Variants in RAB18 observed in about 807,000 individuals in gnomAD.
RAB18 encodes ras-related protein Rab-18.
A neutral mutation model predicts 28.5 loss-of-function variants in RAB18; 10 were observed. The observed-to-expected ratio is 0.35, with a 90% CI of 0.22 to 0.60. The LOEUF (loss-of-function observed/expected upper bound fraction) is 0.60, where lower values mean the gene tolerates loss of function less well. Ranked by LOEUF, RAB18 falls within the 20% of genes least tolerant of loss-of-function variation. RAB18 has a pLI of 0.78. For synonymous variants in RAB18, 93 were observed against 86.9 expected, an observed-to-expected ratio of 1.07 and a Z score of -0.39; for missense variants, 188 against 244.2, an observed-to-expected ratio of 0.77 and a Z score of 1.53.
intron 2 of RAB18, among the ~76,000 whole-genome samples, chr10:27,513,032 A>ATATT (rs1190171231): frequency 2.8e-5 from 4 of 142,574 alleles, no homozygotes; most frequent in East Asian, 4.4e-4. Flanking sequence ...ATATATATAT[A>ATATT]TTTTTTTTTT....
Position 27,541,064 on chromosome 10 carries a change from C to T in RAB18, c.*3013C>T. On this transcript the variant is annotated 3_prime_UTR_variant, in exon 7 of 7. Coordinates refer to ENST00000356940, the MANE Select transcript of RAB18 (RefSeq NM_021252.5). ...AGGTATTATAGATCAGAGATCCTCTCCATATTCAAGCATTATGCTTCTCTT... is the reference window on the plus strand; with the variant it reads ...AGGTATTATAGATCAGAGATCCTCTTCATATTCAAGCATTATGCTTCTCTT... 1 of 453,478 alleles carries T rather than the reference C, an allele frequency of 2.2e-6. No individual in the cohort carries two copies. The highest frequency in any genetic ancestry group is 4.4e-6 in the Non-Finnish European group (1 of 226,494). The allele number at this position is 453,478 out of a possible 1,614,324, so 28.1% of individuals were successfully genotyped here.
chr10:27,526,966 T>G (rs957611373), intron 3 of RAB18, 77 bp downstream of exon 3: 6 of 1,432,678 alleles, frequency 4.2e-6, no homozygotes, highest in Non-Finnish European at 5.9e-6. Flanking sequence ...TGTGTAGTGT[T>G]CTAGAGGTGG....
In RAB18 at chr10:27,509,863, T is replaced by C; in HGVS notation, c.69-12T>C. On this transcript the variant is annotated splice_polypyrimidine_tract_variant and intron_variant, in intron 1 of 6. Transcript: ENST00000356940. The stretch of plus-strand genomic sequence containing the variant: ...TCAAGTTCCCAACCTGTCTTTTTAA[T>C]ATCTCTTTCAGCCTGCTCTTGAGGT... The C allele has an allele frequency of 6.2e-7, 1 of 1,608,630 alleles. No individual in the cohort carries two copies. Among genetic ancestry groups the C allele is most frequent in the South Asian group, 1.1e-5 (1 of 90,982 alleles).
intron 2 of RAB18, among the ~76,000 whole-genome samples, chr10:27,523,847 A>G (rs1834618604): frequency 6.6e-5 from 10 of 151,830 alleles, no homozygotes; most frequent in Admixed American, 6.6e-4. Context: ...TGGGAGGCCG[A>G]GGCGGGCGGA....
intron 2 of RAB18, among the ~76,000 whole-genome samples, chr10:27,518,221 A>G (rs1333683004): frequency 2.0e-5 from 3 of 152,204 alleles, no homozygotes; most frequent in Admixed American, 6.5e-5. Context: ...TTTTGTATGA[A>G]TACTAATTTT....
intron 2 of RAB18, among the ~76,000 whole-genome samples, chr10:27,525,159 A>C (rs1834646697): frequency 6.6e-6 from 1 of 152,340 alleles, no homozygotes; most frequent in South Asian, 2.1e-4. Flanking sequence ...AAGAAAACAC[A>C]TACATTCTGG....
chr10:27,527,036 C>G, intron 3 of RAB18, 147 bp downstream of exon 3: 1 of 896,240 alleles, frequency 1.1e-6, no homozygotes, highest in Non-Finnish European at 1.9e-6. Flanking sequence ...AAAGGATAAA[C>G]AGTAATGTCT....
rs1835017209 is a variant in RAB18, at chr10:27,541,120, A to C, written c.*3069A>C. 2.2e-6 allele frequency: 1 copy of C among 453,920 alleles called. No individual in the cohort carries two copies. Among genetic ancestry groups the C allele is most frequent in the Non-Finnish European group, 4.4e-6 (1 of 226,764 alleles). 28.1% of individuals were successfully genotyped at this position (453,920 alleles called of 1,614,324 possible). A position where few individuals can be genotyped will look rare whatever the true frequency, so the allele number is the denominator to read the frequency against. On this transcript the variant is annotated 3_prime_UTR_variant, in exon 7 of 7. Coordinates refer to ENST00000356940, the MANE Select transcript of RAB18 (RefSeq NM_021252.5). Reference sequence around the variant, plus strand: ...GGGGTACATTTCACTAGTAATACTTAGGAAGTTATTTTGTCTTTCCTGTAT... The same window carrying C: ...GGGGTACATTTCACTAGTAATACTTCGGAAGTTATTTTGTCTTTCCTGTAT...
intron 6 of RAB18, among the ~76,000 whole-genome samples, chr10:27,537,307 C>T (rs1251570445): frequency 3.9e-5 from 6 of 152,140 alleles, no homozygotes; most frequent in Non-Finnish European, 8.8e-5. Flanking sequence ...GAATAAAGTA[C>T]TCATCTCAGA....
In RAB18 at chr10:27,541,507, C is replaced by A. The variant is rs779189401; in HGVS notation, c.*3456C>A. 8.8e-6 allele frequency: 4 copies of A among 453,768 alleles called. No individual in the cohort carries two copies. Among genetic ancestry groups the A allele is most frequent in the South Asian group, 6.2e-5 (4 of 64,468 alleles). The allele number at this position is 453,768 out of a possible 1,614,324, so 28.1% of individuals were successfully genotyped here. A position where few individuals can be genotyped will look rare whatever the true frequency, so the allele number is the denominator to read the frequency against. On this transcript the variant is annotated 3_prime_UTR_variant, in exon 7 of 7. Transcript: ENST00000356940. ...TTGTGGTATAAAGTTTGCTTAAGTG[C>A]CCCTTAGTTAAAGCTGTTCAATGAA... is the stretch of plus-strand genomic sequence containing the variant.
chr10:27,513,034 T>A (rs9334423), intron 2 of RAB18, among the ~76,000 whole-genome samples: 97,155 of 115,854 alleles, frequency 0.84, 40,701 homozygotes, highest in Non-Finnish European at 0.93. Context: ...ATATATATAT[T>A]TTTTTTTTTT....
rs1186279029 is a variant in RAB18 at position 27,540,303 on chromosome 10, T to TA, written c.*2253dup. The TA allele has an allele frequency of 2.2e-6, 1 of 453,948 alleles. No individual in the cohort carries two copies. Among genetic ancestry groups the TA allele is most frequent in the Non-Finnish European group, 4.4e-6 (1 of 226,776 alleles). 28.1% of individuals were successfully genotyped at this position (453,948 alleles called of 1,614,324 possible). A position where few individuals can be genotyped will look rare whatever the true frequency, so the allele number is the denominator to read the frequency against. ...AAAGGTGAGGACAACACAATGTAGG[T>TA]ATGTTAGGTAACCCCCAAAGATCAC... On this transcript the variant is annotated 3_prime_UTR_variant, in exon 7 of 7. Transcript: ENST00000356940.
At chr10:27,517,766 G>A (rs1028437327) in intron 2 of RAB18, among the ~76,000 whole-genome samples, 3 of 151,936 alleles carry the variant, frequency 2.0e-5, no homozygotes, top group East Asian at 3.9e-4. Flanking sequence ...AATGTTTATG[G>A]TCATATAATT....
intron 2 of RAB18, among the ~76,000 whole-genome samples, chr10:27,524,732 A>G (rs1463051711): frequency 2.0e-5 from 3 of 152,244 alleles, no homozygotes; most frequent in Non-Finnish European, 2.9e-5. Flanking sequence ...CAAATCTCTC[A>G]AAAAGACTCC....
Position 27,539,411 on chromosome 10 carries a change from G to C in RAB18, c.*1360G>C, listed in dbSNP as rs1441327940. The C allele has an allele frequency of 3.4e-6, 1 of 298,406 alleles. No homozygotes were observed. The highest frequency in any genetic ancestry group is 2.2e-5 in the African/African-American group (1 of 44,532). 18.5% of individuals were successfully genotyped at this position (298,406 alleles called of 1,614,324 possible). On this transcript the variant is annotated 3_prime_UTR_variant, in exon 7 of 7. Coordinates refer to ENST00000356940, the MANE Select transcript of RAB18 (RefSeq NM_021252.5). ...CAATATGTTTGTTAATTTACTTCAT[G>C]TTGGGTTCTTTCTGAAATGTACATC...
At chr10:27,527,553 T>C (rs1392768506) in intron 3 of RAB18, among the ~76,000 whole-genome samples, 1 of 148,670 alleles carries the variant, frequency 6.7e-6, no homozygotes, top group Admixed American at 6.9e-5. Context: ...GATCTATCTA[T>C]ATCTGTCTAT....
At chr10:27,535,883 G>T (rs917246153) in intron 6 of RAB18, among the ~76,000 whole-genome samples, 1 of 152,070 alleles carries the variant, frequency 6.6e-6, no homozygotes, top group African/African-American at 2.4e-5. Context: ...TCAGGAGATC[G>T]AGACCATGGC....
rs188042831 is a variant in RAB18, at chr10:27,522,112, A to G, written c.125-4716A>G. 4.0e-3 allele frequency among the ~76,000 whole-genome samples: 608 copies of G among 152,308 alleles called. 4 individuals are homozygous for G. Among genetic ancestry groups the G allele is most frequent in the African/African-American group, 0.014 (574 of 41,556 alleles). ...TGGAATTCAGTCAGGCAATAAAAAT[A>G]ATCAGTATTTTCAGTGGAGGGCTTG... is the stretch of plus-strand genomic sequence containing the variant. On this transcript the variant is annotated intron_variant, in intron 2 of 6. Coordinates refer to ENST00000356940, the MANE Select transcript of RAB18 (RefSeq NM_021252.5).
rs149386481 is a variant in RAB18 at position 27,525,216 on chromosome 10, A to G, written c.125-1612A>G. 8.2e-3 allele frequency among the ~76,000 whole-genome samples: 1,251 copies of G among 152,292 alleles called. 8 individuals are homozygous for G. The highest frequency in any genetic ancestry group is 0.017 in the South Asian group (81 of 4,816). ...GGGTAAACAAATTAGCTCATAGGAAAGATGCTTGTCTGCTCTTGAACATGT... is the reference window on the plus strand; with the variant it reads ...GGGTAAACAAATTAGCTCATAGGAAGGATGCTTGTCTGCTCTTGAACATGT... On this transcript the variant is annotated intron_variant, in intron 2 of 6. Coordinates refer to ENST00000356940, the MANE Select transcript of RAB18 (RefSeq NM_021252.5).
Sources: allele counts gnomAD v4.1 joint callset (sites outside exome capture counted in the v4.1 genomes callset), GRCh38; gene constraint gnomAD v4.1.1; transcripts MANE v1.5; gene names NCBI Gene and HGNC (gene_info 2026-07-23, HGNC 2026-07-21).